GPATCH2: variants seen among roughly 807,000 people sequenced by gnomAD.
The protein encoded by GPATCH2 is G patch domain-containing protein 2.
A neutral mutation model predicts 58.0 loss-of-function variants in GPATCH2; 51 were observed. That is an observed-to-expected ratio of 0.88 (90% CI 0.70 to 1.11). GPATCH2 has a LOEUF of 1.11. Among genes scored for constraint, GPATCH2 ranks in the 50% most tolerant of loss-of-function variants. GPATCH2 has a pLI of 0.00. For synonymous variants in GPATCH2, 222 were observed against 218.5 expected, an observed-to-expected ratio of 1.02 and a Z score of -0.14; for missense variants, 625 against 652.2, an observed-to-expected ratio of 0.96 and a Z score of 0.45.
chr1:217,589,930 G>A lies in GPATCH2; in HGVS notation c.1098+20391C>T, dbSNP rs1227374609. Among the ~76,000 whole-genome samples, 5 of 151,992 alleles carry A rather than the reference G, an allele frequency of 3.3e-5. No individual in the cohort carries two copies. In the East Asian group the frequency reaches 5.8e-4, roughly 18 times the overall value. ...TCTATAACCAACTCTATTTGAAAAG[G>A]AGTTAAGGCAAAACTGTGTGTAGTG... On this transcript the variant is annotated intron_variant, in intron 5 of 9. Coordinates refer to ENST00000366935, the MANE Select transcript of GPATCH2 (RefSeq NM_018040.5).
chr1:217,556,625 T>A (rs1014774216), intron 5 of GPATCH2, among the ~76,000 whole-genome samples: 3 of 152,234 alleles, frequency 2.0e-5, no homozygotes, highest in African/African-American at 7.2e-5. Flanking sequence ...ACATTTATGA[T>A]TTTTTCATCC....
chr1:217,545,747 T>C (rs1665008191), intron 5 of GPATCH2, among the ~76,000 whole-genome samples: 1 of 152,184 alleles, frequency 6.6e-6, no homozygotes, highest in Non-Finnish European at 1.5e-5. Flanking sequence ...TGAGAGGCCC[T>C]GATGTATAGA....
chr1:217,457,229 G>A (rs1443321908), intron 8 of GPATCH2, among the ~76,000 whole-genome samples: 1 of 152,160 alleles, frequency 6.6e-6, no homozygotes, highest in Non-Finnish European at 1.5e-5. Context: ...AGAGAGTCAG[G>A]ACATGTTCCT....
At chr1:217,457,044 C>A (rs116803110) in intron 8 of GPATCH2, among the ~76,000 whole-genome samples, 2 of 152,208 alleles carry the variant, frequency 1.3e-5, no homozygotes, top group East Asian at 1.9e-4. Flanking sequence ...ATGAAAGATA[C>A]AAATTATAAC....
intron 5 of GPATCH2, among the ~76,000 whole-genome samples, chr1:217,588,507 A>G (rs1667444025): frequency 6.6e-6 from 1 of 152,156 alleles, no homozygotes; most frequent in South Asian, 2.1e-4. Context: ...AAAGCACTTT[A>G]CCTATTAAAA....
intron 5 of GPATCH2, among the ~76,000 whole-genome samples, chr1:217,548,632 C>T (rs1244793137): frequency 6.6e-6 from 1 of 152,164 alleles, no homozygotes; most frequent in Non-Finnish European, 1.5e-5. Context: ...ACCCAAATCT[C>T]ATCTTGTAGT....
intron 5 of GPATCH2, among the ~76,000 whole-genome samples, chr1:217,595,507 C>CT (rs35541856): frequency 0.16 from 23,435 of 146,528 alleles, 2,269 homozygotes; most frequent in Non-Finnish European, 0.23. Flanking sequence ...TTCTTTTTTT[C>CT]TTTTTTTTTT....
intron 8 of GPATCH2, among the ~76,000 whole-genome samples, chr1:217,487,205 G>A (rs1027344430): frequency 2.0e-5 from 3 of 152,118 alleles, no homozygotes; most frequent in Admixed American, 6.5e-5. Flanking sequence ...AGTTTCCTAT[G>A]TATTTTCTCT....
intron 5 of GPATCH2, among the ~76,000 whole-genome samples, chr1:217,572,603 C>T (rs576372158): frequency 1.3e-5 from 2 of 152,278 alleles, no homozygotes; most frequent in East Asian, 3.9e-4. Context: ...GCATAATTTG[C>T]CCAAGGCCCC....
chr1:217,429,251 T>TA lies in GPATCH2; in HGVS notation c.*1893dup, dbSNP rs1285296840. ...GTTAAAAAAATGGCAAATTTGTAAG[T>TA]AAAAAACTTGTAGAAAGTAATGATA... On this transcript the variant is annotated 3_prime_UTR_variant, in exon 10 of 10. Transcript: ENST00000366935. 6.6e-6 allele frequency: 1 copy of TA among 152,104 alleles called. No homozygotes were observed. Among genetic ancestry groups the TA allele is most frequent in the Admixed American group, 6.5e-5 (1 of 15,270 alleles). The allele number at this position is 152,104 out of a possible 1,614,324, so 9.4% of individuals were successfully genotyped here.
At chr1:217,609,668 T>C (rs1668533026) in intron 5 of GPATCH2, 2 of 973,858 alleles carry the variant, frequency 2.1e-6, no homozygotes, top group Non-Finnish European at 2.4e-6. Flanking sequence ...AAAATGCAAA[T>C]ATTTTAAATA....
chr1:217,568,991 C>A (rs2102711698), intron 5 of GPATCH2, among the ~76,000 whole-genome samples: 1 of 151,930 alleles, frequency 6.6e-6, no homozygotes, highest in East Asian at 1.9e-4. Context: ...GCAAATAGAT[C>A]CACTAGGATT....
At chr1:217,551,793 A>T (rs1167278649) in intron 5 of GPATCH2, among the ~76,000 whole-genome samples, 1 of 152,184 alleles carries the variant, frequency 6.6e-6, no homozygotes, top group East Asian at 1.9e-4. Flanking sequence ...TTTTCAAGGG[A>T]GGAAACCAGA....
intron 5 of GPATCH2, among the ~76,000 whole-genome samples, chr1:217,581,015 C>CAAAAA (rs761336891): frequency 3.4e-4 from 9 of 26,180 alleles, no homozygotes; most frequent in Non-Finnish European, 5.0e-4. Context: ...GACTCCGTCT[C>CAAAAA]AAAAAAAAAA....
chr1:217,509,060 C>G (rs1662707971), intron 6 of GPATCH2, among the ~76,000 whole-genome samples: 1 of 152,118 alleles, frequency 6.6e-6, no homozygotes, highest in African/African-American at 2.4e-5. Flanking sequence ...AAGACTGCAG[C>G]CTGGAGTGGT....
rs956709687 is a variant in GPATCH2 at position 217,611,023 on chromosome 1, G to T, written c.884C>A (p.Ala295Glu). 6.2e-7 allele frequency: 1 copy of T among 1,613,314 alleles called. No homozygotes were observed. Among genetic ancestry groups the T allele is most frequent in the African/African-American group, 1.3e-5 (1 of 74,764 alleles). ...DWFYEKESGG[A>E]CGITGVVPWW... ...GGGCACAACTCCAGTGATACCACAT[G>T]CTCCACCTGATTCCTTTTCGTAGAA... Residue 295 changes from alanine (A) to glutamate (E), a missense_variant, in exon 4 of 10, where the codon GCA becomes GAA. Transcript: ENST00000366935.
At chr1:217,481,467 A>G (rs987138688) in intron 8 of GPATCH2, among the ~76,000 whole-genome samples, 1 of 152,240 alleles carries the variant, frequency 6.6e-6, no homozygotes. Context: ...ATGGTAAAGA[A>G]TAGGGTTGGG....
intron 1 of GPATCH2, among the ~76,000 whole-genome samples, chr1:217,622,963 C>A (rs1444282038): frequency 6.6e-6 from 1 of 152,168 alleles, no homozygotes; most frequent in African/African-American, 2.4e-5. Context: ...CCAAGTGAAT[C>A]TTTTTTCTAT....
intron 5 of GPATCH2, among the ~76,000 whole-genome samples, chr1:217,550,860 A>G (rs901137637): frequency 6.6e-6 from 1 of 150,574 alleles, no homozygotes; most frequent in African/African-American, 2.4e-5. Context: ...CTATTATAAT[A>G]TAATTATTTA....
Sources: gnomAD v4.1 joint callset for allele counts (sites outside exome capture counted in the v4.1 genomes callset) on GRCh38, gnomAD v4.1.1 for gene constraint, MANE v1.5 for transcripts, NCBI Gene and HGNC (gene_info 2026-07-23, HGNC 2026-07-21) for gene names.